The following FUBP1 variants were observed in gnomAD, a reference collection of about 807,000 sequenced individuals.
The protein encoded by FUBP1 is far upstream element binding protein 1.
Under a neutral mutation model 94.9 loss-of-function variants are expected in FUBP1, and 16 were observed. The ratio of observed to expected loss-of-function variants is 0.17; its 90% CI spans 0.11 to 0.26. The LOEUF is 0.26. Ranked by LOEUF, FUBP1 falls within the 10% of genes least tolerant of loss-of-function variation. FUBP1 has a pLI of 1.00. For missense variants in FUBP1, 583 were observed against 808.6 expected, an observed-to-expected ratio of 0.72 and a Z score of 3.38; for synonymous variants, 279 against 254.9, an observed-to-expected ratio of 1.09 and a Z score of -0.90.
At position 77,966,822 on chromosome 1, in the gene FUBP1, T is replaced by TAAA; in HGVS notation, c.415+59_415+61dup. 105 of 1,058,912 alleles carry TAAA rather than the reference T, an allele frequency of 9.9e-5. 1 individual carries two copies. The highest frequency in any genetic ancestry group is 1.2e-4 in the Non-Finnish European group (89 of 717,030). The allele number at this position is 1,058,912 out of a possible 1,614,324, so 65.6% of individuals were successfully genotyped here. A position where few individuals can be genotyped will look rare whatever the true frequency, so the allele number is the denominator to read the frequency against. Reference sequence around the variant, plus strand: ...GTAGCATTATTGTTACTAGAAGGCTTAAAAAAAAAAAAAAGCTAGTTTTCT... The same window carrying TAAA: ...GTAGCATTATTGTTACTAGAAGGCTTAAAAAAAAAAAAAAAAAGCTAGTTTTCT... On this transcript the variant is annotated intron_variant, in intron 6 of 19. Transcript: ENST00000370768.
upstream of FUBP1, chr1:77,979,201 A>C (rs1298546786): frequency 3.4e-6 from 2 of 584,894 alleles, no homozygotes; most frequent in Non-Finnish European, 6.0e-6. Flanking sequence ...GGGCTGAGAA[A>C]GAACGACAGG....
intron 1 of FUBP1, among the ~76,000 whole-genome samples, chr1:77,973,953 A>C (rs1284013428): frequency 6.6e-6 from 1 of 152,064 alleles, no homozygotes; most frequent in Non-Finnish European, 1.5e-5. Context: ...AGACAGGGTC[A>C]GGCTGTTGCC....
intron 18 of FUBP1, among the ~76,000 whole-genome samples, chr1:77,952,967 G>C (rs1178747494): frequency 6.6e-6 from 1 of 151,538 alleles, no homozygotes; most frequent in Admixed American, 6.6e-5. Flanking sequence ...GTGAAACTCT[G>C]TCTCTACTAA....
At chr1:77,961,023 A>ACTAAAATC (rs1327079469) in intron 14 of FUBP1, among the ~76,000 whole-genome samples, 6 of 152,206 alleles carry the variant, frequency 3.9e-5, no homozygotes, top group Non-Finnish European at 5.9e-5. Flanking sequence ...TATTTCTGTC[A>ACTAAAATC]CTAAAATCCC....
chr1:77,973,847 T>G (rs1658071675), intron 1 of FUBP1, among the ~76,000 whole-genome samples: 1 of 152,222 alleles, frequency 6.6e-6, no homozygotes. Context: ...TATAGCATAT[T>G]GGTTTAATTT....
intron 4 of FUBP1, among the ~76,000 whole-genome samples, 173 bp downstream of exon 4, chr1:77,967,454 C>G (rs1338706849): frequency 6.6e-6 from 1 of 152,098 alleles, no homozygotes. Flanking sequence ...ACAAATTTTT[C>G]TCACTCAAAA....
chr1:77,970,230 A>G (rs1571341306), intron 1 of FUBP1, among the ~76,000 whole-genome samples: 1 of 152,320 alleles, frequency 6.6e-6, no homozygotes, highest in African/African-American at 2.4e-5. Context: ...CTTCTGATAC[A>G]TCCCTATAAG....
intron 18 of FUBP1, among the ~76,000 whole-genome samples, 194 bp downstream of exon 18, chr1:77,955,057 CAATT>C (rs1654194705): frequency 6.6e-6 from 1 of 152,072 alleles, no homozygotes; most frequent in African/African-American, 2.4e-5. Flanking sequence ...TTTCTAGTTT[CAATT>C]AATAACTGGT....
In FUBP1 at chr1:77,958,169, A is replaced by C. The variant is rs552543652; in HGVS notation, c.1577-1469T>G. On this transcript the variant is annotated intron_variant, in intron 16 of 19. Coordinates refer to ENST00000370768, the MANE Select transcript of FUBP1 (RefSeq NM_003902.5). Reference sequence around the variant, plus strand: ...GGATAGAGAATTTGAGATAAAACAGACTTTAGGAAGTGGTATTTCTACTCC... The same window carrying C: ...GGATAGAGAATTTGAGATAAAACAGCCTTTAGGAAGTGGTATTTCTACTCC... Among the ~76,000 whole-genome samples the C allele has an allele frequency of 2.0e-5, 3 of 152,292 alleles. No individual in the cohort carries two copies. The East Asian group carries it at 5.8e-4, about 29-fold the overall frequency.
intron 14 of FUBP1, among the ~76,000 whole-genome samples, chr1:77,961,450 A>T (rs1191132412): frequency 6.6e-6 from 1 of 152,226 alleles, no homozygotes; most frequent in Non-Finnish European, 1.5e-5. Context: ...ATACTGAAAA[A>T]GTAGCAACAT....
chr1:77,969,183 C>A lies in FUBP1; in HGVS notation c.211+742G>T, dbSNP rs923184582. 4.8e-4 allele frequency: 172 copies of A among 355,610 alleles called. 1 individual carries two copies. Among genetic ancestry groups the A allele is most frequent in the Non-Finnish European group, 1.1e-4 (19 of 175,842 alleles). 22.0% of individuals were successfully genotyped at this position (355,610 alleles called of 1,614,324 possible). Reference sequence around the variant, plus strand: ...AAAACCTCACTATAAATATGAAAGACACTTAAATAAAAGGAAACCAAGTTC... The same window carrying A: ...AAAACCTCACTATAAATATGAAAGAAACTTAAATAAAAGGAAACCAAGTTC... On this transcript the variant is annotated intron_variant, in intron 2 of 19. Coordinates refer to ENST00000370768, the MANE Select transcript of FUBP1 (RefSeq NM_003902.5).
At chr1:77,967,407 T>G (rs1487854683) in intron 4 of FUBP1, among the ~76,000 whole-genome samples, 1 of 152,186 alleles carries the variant, frequency 6.6e-6, no homozygotes, top group Non-Finnish European at 1.5e-5. Flanking sequence ...CCCCTGTTCT[T>G]CTAAAATGTG....
intron 18 of FUBP1, among the ~76,000 whole-genome samples, chr1:77,954,394 C>T (rs772828899): frequency 3.9e-5 from 6 of 152,084 alleles, no homozygotes; most frequent in South Asian, 2.1e-4. Context: ...CAGAAAGAGA[C>T]GGAACATGAC....
At chr1:77,957,010 C>G (rs558583390) in intron 16 of FUBP1, among the ~76,000 whole-genome samples, 1 of 152,156 alleles carries the variant, frequency 6.6e-6, no homozygotes, top group East Asian at 1.9e-4. Context: ...CCATCCTGTG[C>G]CCTTGTTTTT....
Position 77,948,165 on chromosome 1 carries a change from T to C in FUBP1, c.*601A>G, listed in dbSNP as rs1471878867. 1.2e-5 allele frequency: 12 copies of C among 1,041,290 alleles called. No individual in the cohort carries two copies. In the South Asian group the frequency reaches 4.6e-4, roughly 40 times the overall value. The allele number at this position is 1,041,290 out of a possible 1,614,324, so 64.5% of individuals were successfully genotyped here. A position where few individuals can be genotyped will look rare whatever the true frequency, so the allele number is the denominator to read the frequency against. ...CATTGTACACACATGCAGTTTTTAATCAAACAGAAGGAAAAAAAATGAAGA... is the reference window on the plus strand; with the variant it reads ...CATTGTACACACATGCAGTTTTTAACCAAACAGAAGGAAAAAAAATGAAGA... On this transcript the variant is annotated 3_prime_UTR_variant, in exon 20 of 20. Transcript: ENST00000370768.
chr1:77,964,497 G>A (rs1656107721), intron 10 of FUBP1, 141 bp from the exon 11 acceptor site: 1 of 664,686 alleles, frequency 1.5e-6, no homozygotes, highest in Non-Finnish European at 2.6e-6. Context: ...ATAGTAAATA[G>A]GGTAACAAGA....
At chr1:77,977,786 A>G (rs1485438329) in intron 1 of FUBP1, among the ~76,000 whole-genome samples, 3 of 152,226 alleles carry the variant, frequency 2.0e-5, no homozygotes, top group Non-Finnish European at 4.4e-5. Context: ...GACTACTCCT[A>G]GTATTTCTGG....
In FUBP1 at chr1:77,963,642, G is replaced by T. The variant is rs1655938951; in HGVS notation, c.1115C>A (p.Pro372Gln). Residue 372 changes from proline (P) to glutamine (Q), a missense_variant, in exon 13 of 20, where the codon CCA becomes CAA. Pro to Gln is a moderately conservative substitution (Grantham distance 76). Coordinates refer to ENST00000370768, the MANE Select transcript of FUBP1 (RefSeq NM_003902.5). The stretch of plus-strand genomic sequence containing the variant: ...ATTAAATTCCTGTAGTCCACCAGGT[G>T]GTCCCATGTTCCAGTTGCCTTGACC... ...GRGQGNWNMG[P>Q]PGGLQEFNFI... is the part of the protein sequence containing the mutation. 2 of 1,600,194 alleles carry T rather than the reference G, an allele frequency of 1.2e-6. No homozygotes were observed. The highest frequency in any genetic ancestry group is 1.7e-6 in the Non-Finnish European group (2 of 1,167,310).
At position 77,969,995 on chromosome 1, in the gene FUBP1, A is replaced by G. The variant is rs776048711; in HGVS notation, c.141T>C (p.Gly47=). 6.3e-7 allele frequency: 1 copy of G among 1,579,386 alleles called. No homozygotes were observed. The highest frequency in any genetic ancestry group is 8.6e-7 in the Non-Finnish European group (1 of 1,158,064). ...TTGAATTCAGTGATGTCCCTGCATC[A>G]CCTCCAATTTTTGCTGCAATCTAAA... ...RARQIAAKIG[G]DAGTSLNSND... Residue 47 remains glycine (G), a synonymous_variant, in exon 2 of 20, where the codon GGT becomes GGC. Coordinates refer to ENST00000370768, the MANE Select transcript of FUBP1 (RefSeq NM_003902.5).
Sources: allele counts gnomAD v4.1 joint callset (sites outside exome capture counted in the v4.1 genomes callset), GRCh38; gene constraint gnomAD v4.1.1; transcripts MANE v1.5; gene names NCBI Gene and HGNC (gene_info 2026-07-23, HGNC 2026-07-21).